Variants in DYM observed in about 807,000 individuals in gnomAD.
DYM encodes dyggve-Melchior-Clausen syndrome protein.
DYM carries 78 observed loss-of-function variants against 93.1 expected under a neutral mutation model. The observed-to-expected ratio is 0.84, with a 90% CI of 0.70 to 1.01. DYM has a LOEUF of 1.01. Ranked by LOEUF, DYM falls within the 50% of genes least tolerant of loss-of-function variation. DYM has a pLI of 0.00. For synonymous variants in DYM, 321 were observed against 319.7 expected (o/e 1.00, Z -0.04); for missense variants, 789 against 845.0 (o/e 0.93, Z 0.82).
At chr18:49,396,764 A>G (rs2070144745) in intron 2 of DYM, among the ~76,000 whole-genome samples, 1 of 152,212 alleles carries the variant, frequency 6.6e-6, no homozygotes, top group African/African-American at 2.4e-5. Context: ...AAATCCCGTC[A>G]TTTGCGGCAC....
At chr18:49,335,331 G>T (rs1243625917) in intron 6 of DYM, among the ~76,000 whole-genome samples, 1 of 152,016 alleles carries the variant, frequency 6.6e-6, no homozygotes, top group Non-Finnish European at 1.5e-5. Context: ...TGGGCATAGT[G>T]GCACATGCCT....
chr18:49,135,484 G>C (rs942906602), intron 15 of DYM, among the ~76,000 whole-genome samples: 1 of 152,184 alleles, frequency 6.6e-6, no homozygotes, highest in African/African-American at 2.4e-5. Context: ...TTACAGAAGA[G>C]TGGAAATGAG....
intron 17 of DYM, among the ~76,000 whole-genome samples, chr18:49,096,930 G>A (rs1305475259): frequency 3.9e-5 from 6 of 152,122 alleles, no homozygotes; most frequent in African/African-American, 1.4e-4. Flanking sequence ...TAACCTCACT[G>A]TACATCAGTT....
At chr18:49,238,636 T>C (rs1419623451) in intron 13 of DYM, among the ~76,000 whole-genome samples, 2 of 152,092 alleles carry the variant, frequency 1.3e-5, no homozygotes, top group Non-Finnish European at 2.9e-5. Context: ...TTGGAAGTTA[T>C]AGTGCAACAG....
chr18:49,442,402 T>C (rs576649246), intron 1 of DYM, among the ~76,000 whole-genome samples: 699 of 1,652 alleles, frequency 0.42, 2 homozygotes, highest in Middle Eastern at 0.5. Flanking sequence ...ATAAACAAAT[T>C]AGCCCAGACA....
rs77633318 is a variant in DYM, at chr18:49,271,131, T to A, written c.1251+1047A>T. The stretch of plus-strand genomic sequence containing the variant: ...CCAGATGCTCCAGGAAAGACAGGAG[T>A]CCAAAAAGAAAATTCGGTAAGTTTG... On this transcript the variant is annotated intron_variant, in intron 11 of 17. Transcript: ENST00000675505. Among the ~76,000 whole-genome samples, 1,502 of 151,924 alleles carry A rather than the reference T, an allele frequency of 9.9e-3. 39 individuals carry two copies. Among genetic ancestry groups the A allele is most frequent in the South Asian group, 0.075 (361 of 4,804 alleles).
chr18:49,340,746 G>A (rs934762333), intron 6 of DYM, among the ~76,000 whole-genome samples: 3 of 152,184 alleles, frequency 2.0e-5, no homozygotes, highest in African/African-American at 7.2e-5. Flanking sequence ...TCATTTGGGG[G>A]GACATAATGA....
chr18:49,050,284 T>C (rs1254186706), intron 17 of DYM, among the ~76,000 whole-genome samples: 1 of 151,142 alleles, frequency 6.6e-6, no homozygotes, highest in African/African-American at 2.4e-5. Flanking sequence ...AGAGACGGGG[T>C]TTCTCCATGT....
At chr18:49,216,441 A>T (rs1015296868) in intron 13 of DYM, among the ~76,000 whole-genome samples, 5 of 152,300 alleles carry the variant, frequency 3.3e-5, no homozygotes, top group Admixed American at 3.3e-4. Context: ...GAATGGGCAG[A>T]CTGCTTCCTT....
intron 13 of DYM, among the ~76,000 whole-genome samples, chr18:49,249,324 C>A (rs756497393): frequency 6.6e-6 from 1 of 151,952 alleles, no homozygotes; most frequent in Non-Finnish European, 1.5e-5. Context: ...AAAAATAAGG[C>A]AATATTTCTA....
At chr18:49,318,158 C>A (rs1285504053) in intron 8 of DYM, among the ~76,000 whole-genome samples, 1 of 152,178 alleles carries the variant, frequency 6.6e-6, no homozygotes, top group Non-Finnish European at 1.5e-5. Flanking sequence ...CCATTGCTTA[C>A]AGCATCATGG....
chr18:49,249,757 T>C (rs1254502051), intron 13 of DYM, among the ~76,000 whole-genome samples: 2 of 151,798 alleles, frequency 1.3e-5, no homozygotes, highest in African/African-American at 4.8e-5. Flanking sequence ...TTGAGACTAC[T>C]ACACGGAAGT....
At chr18:49,428,084 T>C (rs745783390) in intron 2 of DYM, among the ~76,000 whole-genome samples, 17 of 151,404 alleles carry the variant, frequency 1.1e-4, no homozygotes, top group Non-Finnish European at 2.2e-4. Context: ...GAGTGAGACC[T>C]TGTCTCAAAA....
intron 15 of DYM, 119 bp downstream of exon 15, chr18:49,163,566 G>T: frequency 1.5e-6 from 1 of 680,088 alleles, no homozygotes; most frequent in Middle Eastern, 2.6e-4. Context: ...GGCTGGTCTT[G>T]AACTCCCGAC....
intron 1 of DYM, among the ~76,000 whole-genome samples, chr18:49,437,717 C>T (rs1480193677): frequency 6.6e-6 from 1 of 152,172 alleles, no homozygotes; most frequent in African/African-American, 2.4e-5. Flanking sequence ...TCCACAGCCA[C>T]CATTGTTTAA....
chr18:49,243,245 A>G (rs887668191), intron 13 of DYM, among the ~76,000 whole-genome samples: 4 of 152,218 alleles, frequency 2.6e-5, no homozygotes, highest in African/African-American at 9.6e-5. Flanking sequence ...TGAAGACAGC[A>G]TGAGTCTATG....
intron 8 of DYM, among the ~76,000 whole-genome samples, chr18:49,299,216 C>T (rs543553867): frequency 1.3e-5 from 2 of 152,138 alleles, no homozygotes; most frequent in Non-Finnish European, 2.9e-5. Context: ...ATAACTAGCA[C>T]ATCAATCTCA....
chr18:49,402,847 C>G (rs1261463874), intron 2 of DYM, among the ~76,000 whole-genome samples: 1 of 152,108 alleles, frequency 6.6e-6, no homozygotes, highest in Non-Finnish European at 1.5e-5. Context: ...CAGATATGCC[C>G]CTGGTATAAT....
chr18:49,288,635 C>T (rs1052273409), intron 8 of DYM, among the ~76,000 whole-genome samples: 1 of 151,808 alleles, frequency 6.6e-6, no homozygotes, highest in Non-Finnish European at 1.5e-5. Flanking sequence ...AAAAATTAGC[C>T]AGGTGTGGTG....
Sources: allele counts gnomAD v4.1 joint callset (sites outside exome capture counted in the v4.1 genomes callset), GRCh38; gene constraint gnomAD v4.1.1; transcripts MANE v1.5; gene names NCBI Gene and HGNC (gene_info 2026-07-23, HGNC 2026-07-21).